DIP2B: variants seen among roughly 807,000 people sequenced by gnomAD.
DIP2B encodes the protein DIP2 acetate--CoA ligase B (putative), also known as disco-interacting protein 2 homolog B.
DIP2B carries 76 observed loss-of-function variants against 198.0 expected under a neutral mutation model. That is an observed-to-expected ratio of 0.38 (90% CI 0.32 to 0.46). The LOEUF (loss-of-function observed/expected upper bound fraction) is 0.46, where lower values mean the gene tolerates loss of function less well. Among genes scored for constraint, DIP2B ranks in the 20% least tolerant of loss-of-function variants. The pLI is 0.99. For synonymous variants in DIP2B, 701 were observed against 739.1 expected (o/e 0.95, Z 0.84); for missense variants, 1,559 against 1,978.4 (o/e 0.79, Z 4.02).
At chr12:50,593,460 G>A (rs887295536) in intron 1 of DIP2B, among the ~76,000 whole-genome samples, 3 of 151,362 alleles carry the variant, frequency 2.0e-5, no homozygotes, top group Admixed American at 6.6e-5. Flanking sequence ...AGCTGAGATC[G>A]CGCTGCTACA....
chr12:50,630,557 G>A (rs1938027806), intron 2 of DIP2B, among the ~76,000 whole-genome samples: 2 of 151,106 alleles, frequency 1.3e-5, no homozygotes, highest in Non-Finnish European at 2.9e-5. Context: ...TTATCCTAAG[G>A]CTTTAAAAAA....
intron 1 of DIP2B, among the ~76,000 whole-genome samples, chr12:50,557,944 T>A (rs1270338342): frequency 6.6e-6 from 1 of 150,830 alleles, no homozygotes; most frequent in African/African-American, 2.4e-5. Flanking sequence ...CCCAGGAGTT[T>A]GAGATTAGCC....
chr12:50,696,312 G>C (rs1042147116), intron 16 of DIP2B, among the ~76,000 whole-genome samples: 5 of 152,146 alleles, frequency 3.3e-5, no homozygotes, highest in Non-Finnish European at 1.5e-5. Context: ...TTTGTGATGG[G>C]CTTCTTTTTC....
At chr12:50,641,523 C>T (rs999623729) in intron 3 of DIP2B, among the ~76,000 whole-genome samples, 2 of 152,196 alleles carry the variant, frequency 1.3e-5, no homozygotes, top group Non-Finnish European at 2.9e-5. Flanking sequence ...TTGGAAGAGG[C>T]AGGCCCTTCT....
chr12:50,587,445 C>T (rs764465221), intron 1 of DIP2B, among the ~76,000 whole-genome samples: 15 of 152,118 alleles, frequency 9.9e-5, no homozygotes, highest in African/African-American at 1.4e-4. Flanking sequence ...TGGATACCTG[C>T]GCTTACTAAA....
In DIP2B at chr12:50,671,361, T is replaced by C. The variant is rs752485692; in HGVS notation, c.603T>C (p.Ser201=). 1 of 1,614,152 alleles carries C rather than the reference T, an allele frequency of 6.2e-7. No individual in the cohort carries two copies. The highest frequency in any genetic ancestry group is 8.5e-7 in the Non-Finnish European group (1 of 1,180,012). Residue 201 remains serine (S), a synonymous_variant, in exon 5 of 38, where the codon AGT becomes AGC. Transcript: ENST00000301180. Reference sequence around the variant, plus strand: ...CCCACGGAGAGGTCAAAGGAACCAGTGGGTCTCTAGCTGATGTATTTGCCA... The same window carrying C: ...CCCACGGAGAGGTCAAAGGAACCAGCGGGTCTCTAGCTGATGTATTTGCCA... The part of the protein sequence containing the change: ...TLSHGEVKGT[S]GSLADVFANT...
intron 1 of DIP2B, among the ~76,000 whole-genome samples, chr12:50,609,004 T>C (rs752282627): frequency 2.5e-4 from 38 of 152,048 alleles, no homozygotes; most frequent in Non-Finnish European, 5.3e-4. Context: ...TAGCCAGGTG[T>C]GCTGATGGGT....
At chr12:50,700,295 G>A (rs1394448402) in intron 19 of DIP2B, among the ~76,000 whole-genome samples, 2 of 152,194 alleles carry the variant, frequency 1.3e-5, no homozygotes, top group Non-Finnish European at 2.9e-5. Flanking sequence ...CAGAACAGGG[G>A]CGGTTAATTG....
intron 1 of DIP2B, among the ~76,000 whole-genome samples, chr12:50,599,288 T>C (rs139855189): frequency 6.3e-4 from 82 of 130,036 alleles, no homozygotes; most frequent in African/African-American, 2.0e-3. Flanking sequence ...TGAGACCCTG[T>C]CTCAAAAAAA....
chr12:50,669,773 T>C (rs1450722833), intron 4 of DIP2B, among the ~76,000 whole-genome samples: 1 of 152,142 alleles, frequency 6.6e-6, no homozygotes, highest in African/African-American at 2.4e-5. Context: ...ATTTGACTTC[T>C]AGATTAGATG....
chr12:50,587,463 T>G (rs1958781017), intron 1 of DIP2B, among the ~76,000 whole-genome samples: 1 of 152,234 alleles, frequency 6.6e-6, no homozygotes, highest in Admixed American at 6.5e-5. Flanking sequence ...AAAGGTTACA[T>G]GACGGGGAGG....
At chr12:50,714,648 T>A (rs1480936444) in intron 23 of DIP2B, 52 bp downstream of exon 23, 1 of 1,600,590 alleles carries the variant, frequency 6.2e-7, no homozygotes, top group Middle Eastern at 1.7e-4. Context: ...TTCAAGAAGC[T>A]GGGTTCTCTC....
chr12:50,723,392 T>C lies in DIP2B; in HGVS notation c.3288+69T>C. 3 of 1,571,436 alleles carry C rather than the reference T, an allele frequency of 1.9e-6. No individual in the cohort carries two copies. The South Asian group carries it at 3.4e-5, about 18-fold the overall frequency. ...CCAGATTCAGACAACTAAGGATCCT[T>C]ACTAATTTTCCAATTTTGTTAAGTC... On this transcript the variant is annotated intron_variant, in intron 27 of 37. Transcript: ENST00000301180.
chr12:50,593,309 A>C (rs1958835610), intron 1 of DIP2B, among the ~76,000 whole-genome samples: 1 of 152,122 alleles, frequency 6.6e-6, no homozygotes, highest in South Asian at 2.1e-4. Flanking sequence ...GATCGAGACC[A>C]TCCTGGCCAA....
In DIP2B at chr12:50,746,120, A is replaced by AG. The variant is rs1479581258; in HGVS notation, c.*1283dup. 6.6e-6 allele frequency: 1 copy of AG among 152,264 alleles called. No individual in the cohort carries two copies. The highest frequency in any genetic ancestry group is 2.4e-5 in the African/African-American group (1 of 41,476). The allele number at this position is 152,264 out of a possible 1,614,324, so 9.4% of individuals were successfully genotyped here. ...CTCTTTTGAAATAACTTTGGTGCCCAGGCCAAGTAGAATGAGATGAGACTG... is the reference window on the plus strand; with the variant it reads ...CTCTTTTGAAATAACTTTGGTGCCCAGGGCCAAGTAGAATGAGATGAGACTG... On this transcript the variant is annotated 3_prime_UTR_variant, in exon 38 of 38. Transcript: ENST00000301180.
chr12:50,648,588 C>T (rs1013525990), intron 3 of DIP2B, among the ~76,000 whole-genome samples: 1 of 151,512 alleles, frequency 6.6e-6, no homozygotes, highest in Non-Finnish European at 1.5e-5. Flanking sequence ...TGGTCTCGAT[C>T]TCCTGGCCTC....
intron 1 of DIP2B, among the ~76,000 whole-genome samples, chr12:50,585,598 C>T (rs1958763709): frequency 6.6e-6 from 1 of 152,092 alleles, no homozygotes; most frequent in Admixed American, 6.6e-5. Flanking sequence ...GGTATGTGGC[C>T]AGAGTGGCAT....
At chr12:50,714,220 T>C (rs1198289349) in intron 22 of DIP2B, among the ~76,000 whole-genome samples, 175 bp from the exon 23 acceptor site, 1 of 152,268 alleles carries the variant, frequency 6.6e-6, no homozygotes, top group Non-Finnish European at 1.5e-5. Context: ...ATGTGTATTA[T>C]CTTAATGATT....
At chr12:50,704,915 T>C (rs1939486882) in intron 20 of DIP2B, among the ~76,000 whole-genome samples, 1 of 151,330 alleles carries the variant, frequency 6.6e-6, no homozygotes, top group Non-Finnish European at 1.5e-5. Context: ...GCCACTATGC[T>C]CCAGCCTGGG....
Sources: gnomAD v4.1 joint callset for allele counts (sites outside exome capture counted in the v4.1 genomes callset) on GRCh38, gnomAD v4.1.1 for gene constraint, MANE v1.5 for transcripts, NCBI Gene and HGNC (gene_info 2026-07-23, HGNC 2026-07-21) for gene names.